The following ABCG2 variants were observed in gnomAD, a reference collection of about 807,000 sequenced individuals.
ABCG2 encodes ATP binding cassette subfamily G member 2 (JR blood group).
In ABCG2, 80 loss-of-function variants were observed where a neutral mutation model predicts 73.5. The observed-to-expected ratio is 1.09, with a 90% CI of 0.91 to 1.31. The LOEUF is 1.31. ABCG2 is among the 50% of genes most tolerant of loss of function. The pLI is 0.00. For missense variants in ABCG2, 796 were observed against 786.2 expected (o/e 1.01, Z -0.15); for synonymous variants, 269 against 282.4 (o/e 0.95, Z 0.48).
rs762421964 is a variant in ABCG2, at chr4:88,095,587, T to C, written c.1670A>G (p.Asn557Ser). The change falls in exon 14 of 16, where the codon AAT becomes AGT. Residue 557 changes from asparagine to serine, a missense_variant. By Grantham distance (46) the Asn-to-Ser change is conservative. Transcript: ENST00000237612. ...CAGCCAAGATGCAATGGTTGTGAGA[T>C]TGACCAACAGACCTGAAAAAATCTA... ...FMMIFSGLLV[N>S]LTTIASWLSW... 1.2e-5 allele frequency: 19 copies of C among 1,613,676 alleles called. No individual in the cohort carries two copies. Among genetic ancestry groups the C allele is most frequent in the East Asian group, 2.2e-5 (1 of 44,868 alleles).
chr4:88,167,567 G>T (rs528953989), intron 1 of ABCG2, among the ~76,000 whole-genome samples: 1 of 151,848 alleles, frequency 6.6e-6, no homozygotes, highest in South Asian at 2.1e-4. Flanking sequence ...AGAGACGGGG[G>T]TTTCACCATA....
chr4:88,168,455 C>T (rs901078179), intron 1 of ABCG2, among the ~76,000 whole-genome samples: 3 of 151,446 alleles, frequency 2.0e-5, no homozygotes, highest in Non-Finnish European at 4.4e-5. Context: ...CCACTGCACT[C>T]CACCCTGGTG....
chr4:88,146,910 G>GGAAGGAAGGAA, intron 1 of ABCG2, among the ~76,000 whole-genome samples: 1 of 138,008 alleles, frequency 7.2e-6, no homozygotes, highest in Non-Finnish European at 1.5e-5. Flanking sequence ...AAGGAAGGAA[G>GGAAGGAAGGAA]GAAGGAAGGA....
At chr4:88,146,532 C>A (rs146655655) in intron 1 of ABCG2, among the ~76,000 whole-genome samples, 257 of 152,026 alleles carry the variant, frequency 1.7e-3, no homozygotes, top group African/African-American at 5.8e-3. Context: ...GTAGCTGGGA[C>A]TACAGGCGCC....
At chr4:88,113,668 G>T in intron 8 of ABCG2, 115 bp from the exon 9 acceptor site, 2 of 1,388,100 alleles carry the variant, frequency 1.4e-6, no homozygotes, top group Non-Finnish European at 1.9e-6. Context: ...TAAAGCTTTA[G>T]AAAGAAAAAA....
chr4:88,201,650 C>T (rs1309941303), intron 1 of ABCG2: 1 of 152,036 alleles, frequency 6.6e-6, no homozygotes, highest in Non-Finnish European at 1.5e-5. Flanking sequence ...ACTCAAGGAC[C>T]AGGGAGGACT....
chr4:88,148,539 C>G (rs1351259316), intron 1 of ABCG2, among the ~76,000 whole-genome samples: 1 of 152,144 alleles, frequency 6.6e-6, no homozygotes, highest in Non-Finnish European at 1.5e-5. Flanking sequence ...AAGGTCCCAG[C>G]TCTACCCTCT....
At chr4:88,191,552 T>C (rs759967891) in intron 1 of ABCG2, among the ~76,000 whole-genome samples, 1 of 149,406 alleles carries the variant, frequency 6.7e-6, no homozygotes, top group Non-Finnish European at 1.5e-5. Flanking sequence ...AGTTTGGCAG[T>C]TTCTTTAAAA....
At chr4:88,130,043 T>C (rs552287111) in intron 5 of ABCG2, among the ~76,000 whole-genome samples, 1 of 151,848 alleles carries the variant, frequency 6.6e-6, no homozygotes, top group African/African-American at 2.4e-5. Context: ...GAAAGGCTAT[T>C]AAAAAAAACA....
At chr4:88,097,814 T>C (rs1411126570) in intron 12 of ABCG2, among the ~76,000 whole-genome samples, 2 of 152,242 alleles carry the variant, frequency 1.3e-5, no homozygotes, top group African/African-American at 2.4e-5. Context: ...TTATGTGCCA[T>C]TATGTATAAT....
At chr4:88,159,927 C>T (rs374967551), upstream of ABCG2, among the ~76,000 whole-genome samples, 1 of 152,138 alleles carries the variant, frequency 6.6e-6, no homozygotes, top group South Asian at 2.1e-4. Flanking sequence ...TATAGAAATA[C>T]ATGTTAGTCA....
chr4:88,227,194 A>G (rs1173679743), intron 1 of ABCG2, among the ~76,000 whole-genome samples: 1 of 152,144 alleles, frequency 6.6e-6, no homozygotes, highest in African/African-American at 2.4e-5. Context: ...GCAGTTCGAG[A>G]CCAGCCTGCC....
At chr4:88,173,486 GT>G (rs1727840098) in intron 1 of ABCG2, among the ~76,000 whole-genome samples, 1 of 152,118 alleles carries the variant, frequency 6.6e-6, no homozygotes, top group African/African-American at 2.4e-5. Flanking sequence ...CATTCTAGGT[GT>G]TGTATACTTC....
chr4:88,226,211 C>A (rs769253663), intron 1 of ABCG2, among the ~76,000 whole-genome samples: 1 of 152,232 alleles, frequency 6.6e-6, no homozygotes, highest in Non-Finnish European at 1.5e-5. Flanking sequence ...AGAGACATTT[C>A]TAAAATGCAA....
intron 1 of ABCG2, among the ~76,000 whole-genome samples, chr4:88,184,181 T>C (rs990479750): frequency 6.6e-6 from 1 of 152,172 alleles, no homozygotes; most frequent in African/African-American, 2.4e-5. Flanking sequence ...ACCACTGTTA[T>C]TCAACATAGT....
intron 1 of ABCG2, among the ~76,000 whole-genome samples, chr4:88,176,958 A>G (rs1383288684): frequency 6.6e-6 from 1 of 152,166 alleles, no homozygotes; most frequent in Non-Finnish European, 1.5e-5. Context: ...CAGGTTAGAT[A>G]ATGTCCACGA....
chr4:88,107,202 G>A lies in ABCG2; in HGVS notation c.1259C>T (p.Ser420Phe). Residue 420 changes from serine to phenylalanine, a missense_variant, in exon 10 of 16, where the codon TCT becomes TTT. By Grantham distance (155) the Ser-to-Phe change is radical. Transcript: ENST00000237612. ...GAIYFGLKND[S>F]TGIQNRAGVL... ...TACTTACCTGTTCTGGATTCCAGTA[G>A]AATCATTTTTTAGCCCAAAGTAAAT... The A allele has an allele frequency of 6.2e-7, 1 of 1,612,674 alleles. No individual in the cohort carries two copies. Among genetic ancestry groups the A allele is most frequent in the Non-Finnish European group, 8.5e-7 (1 of 1,179,152 alleles).
At chr4:88,164,317 G>A (rs543359531), upstream of ABCG2, among the ~76,000 whole-genome samples, 7 of 152,244 alleles carry the variant, frequency 4.6e-5, no homozygotes, top group South Asian at 2.1e-4. Context: ...CCACCACCTC[G>A]GCCTCCCAAA....
chr4:88,174,671 C>T (rs35252139), intron 1 of ABCG2, among the ~76,000 whole-genome samples: 36,125 of 152,078 alleles, frequency 0.24, 5,688 homozygotes, highest in African/African-American at 0.45. Flanking sequence ...GGATTACAGG[C>T]GTGAGCCACC....
Sources: allele counts gnomAD v4.1 joint callset (sites outside exome capture counted in the v4.1 genomes callset), GRCh38; gene constraint gnomAD v4.1.1; transcripts MANE v1.5; gene names NCBI Gene and HGNC (gene_info 2026-07-23, HGNC 2026-07-21).